U2SURP: variants seen among roughly 807,000 people sequenced by gnomAD.
U2SURP encodes U2 snRNP associated SURP domain containing, also known as U2 snRNP-associated SURP motif-containing protein.
In U2SURP, 9 loss-of-function variants were observed where a neutral mutation model predicts 144.9. The observed-to-expected ratio is 0.06, with a 90% CI of 0.04 to 0.11. U2SURP has a LOEUF of 0.11. U2SURP is among the 10% of genes least tolerant of loss of function. U2SURP has a pLI of 1.00. For synonymous variants in U2SURP, 408 were observed against 396.8 expected, an observed-to-expected ratio of 1.03 and a Z score of -0.33; for missense variants, 724 against 1,226.7, an observed-to-expected ratio of 0.59 and a Z score of 6.12.
At chr3:143,008,143 A>G (rs541903367) in intron 1 of U2SURP, among the ~76,000 whole-genome samples, 46 of 152,352 alleles carry the variant, frequency 3.0e-4, no homozygotes, top group African/African-American at 1.0e-3. Context: ...TGTAATTTTG[A>G]AAGCTGACAA....
chr3:143,049,257 C>A (rs1934713829), intron 24 of U2SURP, among the ~76,000 whole-genome samples: 1 of 107,222 alleles, frequency 9.3e-6, no homozygotes. Context: ...CAGAGTAAGA[C>A]TCCATCTCAA....
chr3:143,026,916 GT>G (rs1214395563), intron 13 of U2SURP: 1 of 366,024 alleles, frequency 2.7e-6, no homozygotes, highest in Non-Finnish European at 4.9e-6. Flanking sequence ...CTGTATTGTG[GT>G]TTCCTACCCT....
At chr3:143,022,405 CTTT>C in intron 10 of U2SURP, 89 bp from the exon 11 acceptor site, 1 of 1,285,272 alleles carries the variant, frequency 7.8e-7, no homozygotes, top group Non-Finnish European at 1.0e-6. Flanking sequence ...TGCTATGTTG[CTTT>C]TTATTTTGTA....
intron 16 of U2SURP, among the ~76,000 whole-genome samples, chr3:143,031,445 A>ACCCCAACCTTCAGCTACCACCG (rs1933486624): frequency 8.8e-6 from 1 of 113,276 alleles, no homozygotes; most frequent in Non-Finnish European, 2.2e-5. Context: ...AGCTACCACC[A>ACCCCAACCTTCAGCTACCACCG]CCCTAACCTT....
rs1450344034 is a variant in U2SURP, at chr3:143,028,664, T to C, written c.1610+18T>C. The C allele has an allele frequency of 6.4e-7, 1 of 1,572,826 alleles. No homozygotes were observed. The highest frequency in any genetic ancestry group is 8.6e-7 in the Non-Finnish European group (1 of 1,163,804). On this transcript the variant is annotated intron_variant, in intron 16 of 27. Transcript: ENST00000473835. ...AAGGAAGAGTAAGATATTTTTCCTT[T>C]CTATTATATATTCAGAAAAGTAACT... is the stretch of plus-strand genomic sequence containing the variant.
Position 143,060,500 on chromosome 3 carries a change from T to C in U2SURP, c.*4050T>C, listed in dbSNP as rs1935328262. ...CAAAGGTTGTGAAATTTCCCTTTTG[T>C]TGTTTTTGACTTTTAATTAATAAAA... is the stretch of plus-strand genomic sequence containing the variant. On this transcript the variant is annotated 3_prime_UTR_variant, in exon 28 of 28. Transcript: ENST00000473835. 6.6e-6 allele frequency: 1 copy of C among 151,968 alleles called. No homozygotes were observed. Among genetic ancestry groups the C allele is most frequent in the Non-Finnish European group, 1.5e-5 (1 of 67,848 alleles). The allele number at this position is 151,968 out of a possible 1,614,324, so 9.4% of individuals were successfully genotyped here. A position where few individuals can be genotyped will look rare whatever the true frequency, so the allele number is the denominator to read the frequency against.
rs1935160309 is a variant in U2SURP at position 143,056,509 on chromosome 3, G to T, written c.*59G>T. On this transcript the variant is annotated 3_prime_UTR_variant, in exon 28 of 28. Transcript: ENST00000473835. ...ATGCGATTTGTTTTGTGCCTGAACG[G>T]TCTGTTTTTTAAAAAAACAAAAAAT... 6.4e-7 allele frequency: 1 copy of T among 1,570,366 alleles called. No individual in the cohort carries two copies. The highest frequency in any genetic ancestry group is 2.0e-5 in the Admixed American group (1 of 50,310).
chr3:143,030,915 G>A (rs183021502), intron 16 of U2SURP, among the ~76,000 whole-genome samples: 21 of 152,220 alleles, frequency 1.4e-4, no homozygotes, highest in African/African-American at 4.8e-4. Flanking sequence ...TTAAAAATCC[G>A]TTTCAGTTTT....
chr3:143,005,045 A>C (rs1211369820), intron 1 of U2SURP, among the ~76,000 whole-genome samples: 1 of 152,154 alleles, frequency 6.6e-6, no homozygotes, highest in Non-Finnish European at 1.5e-5. Flanking sequence ...ATATGAAGAA[A>C]ATGTAGTATT....
intron 24 of U2SURP, 127 bp downstream of exon 24, chr3:143,043,403 C>A: frequency 2.0e-6 from 2 of 1,000,128 alleles, no homozygotes; most frequent in Non-Finnish European, 2.8e-6. Context: ...ACTCTTCATA[C>A]CAGATGACTT....
At chr3:143,030,921 G>GT (rs1933446448) in intron 16 of U2SURP, among the ~76,000 whole-genome samples, 1 of 152,040 alleles carries the variant, frequency 6.6e-6, no homozygotes, top group South Asian at 2.1e-4. Flanking sequence ...ATCCGTTTCA[G>GT]TTTTTTTGCC....
chr3:143,055,793 T>C (rs1180215540), intron 27 of U2SURP, among the ~76,000 whole-genome samples: 2 of 152,150 alleles, frequency 1.3e-5, no homozygotes, highest in Non-Finnish European at 2.9e-5. Context: ...ACATGTATCT[T>C]TATTGGTTTA....
Position 143,022,833 on chromosome 3 carries a change from CTTTCA to C in U2SURP, c.1019-15_1019-11del. The C allele has an allele frequency of 6.6e-7, 1 of 1,522,526 alleles. No individual in the cohort carries two copies. The highest frequency in any genetic ancestry group is 1.3e-5 in the South Asian group (1 of 76,814). 94.3% of individuals were successfully genotyped at this position (1,522,526 alleles called of 1,614,324 possible). On this transcript the variant is annotated splice_polypyrimidine_tract_variant and intron_variant, in intron 11 of 27. Transcript: ENST00000473835. ...AACTTTTGAGAGTTAACAAAATGAC[CTTTCA>C]TTTCTTTCTTGTAGGAAAAATGATT...
At chr3:143,030,565 T>G (rs1428589381) in intron 16 of U2SURP, among the ~76,000 whole-genome samples, 4 of 152,246 alleles carry the variant, frequency 2.6e-5, no homozygotes, top group Non-Finnish European at 1.5e-5. Flanking sequence ...TTAAGTTGTT[T>G]TCATGCCTGT....
intron 23 of U2SURP, among the ~76,000 whole-genome samples, chr3:143,039,959 C>G (rs947396967): frequency 6.6e-6 from 1 of 151,808 alleles, no homozygotes; most frequent in African/African-American, 2.4e-5. Context: ...ATGGAAATAC[C>G]TATCTGAGGC....
chr3:143,015,080 A>T (rs1936299101), intron 4 of U2SURP, among the ~76,000 whole-genome samples: 1 of 152,102 alleles, frequency 6.6e-6, no homozygotes, highest in African/African-American at 2.4e-5. Flanking sequence ...AGGGGCAGTG[A>T]CATGTTGCAC....
chr3:143,003,523 ATCTT>A (rs1935646161), intron 1 of U2SURP, among the ~76,000 whole-genome samples: 1 of 152,172 alleles, frequency 6.6e-6, no homozygotes, highest in Non-Finnish European at 1.5e-5. Context: ...TACATAATAA[ATCTT>A]AATTTCTTTC....
rs1935328847 is a variant in U2SURP at position 143,060,516 on chromosome 3, A to G, written c.*4066A>G. 2 of 151,964 alleles carry G rather than the reference A, an allele frequency of 1.3e-5. No individual in the cohort carries two copies. The highest frequency in any genetic ancestry group is 1.3e-4 in the Admixed American group (2 of 15,242). The allele number at this position is 151,964 out of a possible 1,614,324, so 9.4% of individuals were successfully genotyped here. Reference sequence around the variant, plus strand: ...TCCCTTTTGTTGTTTTTGACTTTTAATTAATAAAAGTACATTGTTTTCATA... The same window carrying G: ...TCCCTTTTGTTGTTTTTGACTTTTAGTTAATAAAAGTACATTGTTTTCATA... On this transcript the variant is annotated 3_prime_UTR_variant, in exon 28 of 28. Transcript: ENST00000473835.
At chr3:143,016,414 T>A in intron 5 of U2SURP, 43 bp downstream of exon 5, 1 of 1,545,456 alleles carries the variant, frequency 6.5e-7, no homozygotes, top group Non-Finnish European at 8.9e-7. Context: ...ATAACTGTAT[T>A]ACAGTTTTTG....
Sources: gnomAD v4.1 joint callset for allele counts (sites outside exome capture counted in the v4.1 genomes callset) on GRCh38, gnomAD v4.1.1 for gene constraint, MANE v1.5 for transcripts, NCBI Gene and HGNC (gene_info 2026-07-23, HGNC 2026-07-21) for gene names.